The following FRMD3 variants were observed in gnomAD, a reference collection of about 807,000 sequenced individuals.
The protein encoded by FRMD3 is FERM domain containing 3.
In FRMD3, 33 loss-of-function variants were observed where a neutral mutation model predicts 70.2. That is an observed-to-expected ratio of 0.47 (90% CI 0.36 to 0.63). The LOEUF (loss-of-function observed/expected upper bound fraction) is 0.63, where lower values mean the gene tolerates loss of function less well. Among genes scored for constraint, FRMD3 ranks in the 20% least tolerant of loss-of-function variants. The pLI is 0.00. For synonymous variants in FRMD3, 279 were observed against 255.9 expected (o/e 1.09, Z -0.86); for missense variants, 632 against 711.4 (o/e 0.89, Z 1.27).
At chr9:83,419,155 G>T (rs923258859) in intron 1 of FRMD3, among the ~76,000 whole-genome samples, 1 of 151,992 alleles carries the variant, frequency 6.6e-6, no homozygotes, top group Non-Finnish European at 1.5e-5. Context: ...TAGGAGGGGG[G>T]CCAGGGGTTA....
chr9:83,376,189 A>AAC (rs1825141703), intron 2 of FRMD3, among the ~76,000 whole-genome samples: 1 of 148,710 alleles, frequency 6.7e-6, no homozygotes, highest in African/African-American at 2.5e-5. Flanking sequence ...AAAAAAAAAA[A>AAC]CCACCTGACA....
At chr9:83,268,835 C>T (rs1044511112) in intron 13 of FRMD3, among the ~76,000 whole-genome samples, 2 of 152,178 alleles carry the variant, frequency 1.3e-5, no homozygotes, top group Non-Finnish European at 2.9e-5. Context: ...CCTACTCTCA[C>T]AGGAGTTAGT....
chr9:83,363,006 A>C (rs1466321207), intron 3 of FRMD3, among the ~76,000 whole-genome samples: 23 of 123,026 alleles, frequency 1.9e-4, no homozygotes, highest in South Asian at 5.0e-4. Flanking sequence ...TTCCTTCTCT[A>C]CTTCCTTCCC....
intron 13 of FRMD3, among the ~76,000 whole-genome samples, chr9:83,260,005 C>G (rs773154592): frequency 6.6e-6 from 1 of 152,140 alleles, no homozygotes. Context: ...AGCTAAGCCA[C>G]GGCTATCTGA....
At chr9:83,571,272 A>G in the FRMD3 span, among the ~76,000 whole-genome samples, 4,063 of 152,308 alleles carry the variant, frequency 0.027, 178 homozygotes, top group African/African-American at 0.092. Context: ...CACCATGAGT[A>G]GAAGCAACAA....
chr9:83,292,584 A>G (rs915580566), intron 12 of FRMD3, among the ~76,000 whole-genome samples: 1 of 152,200 alleles, frequency 6.6e-6, no homozygotes, highest in Non-Finnish European at 1.5e-5. Flanking sequence ...TTAAAATTCT[A>G]GTTCATTTTA....
chr9:83,244,803 G>GTGTT lies in FRMD3; in HGVS notation c.*3111_*3114dup, dbSNP rs1832011062. 18 of 985,114 alleles carry GTGTT rather than the reference G, an allele frequency of 1.8e-5. No homozygotes were observed. Among genetic ancestry groups the GTGTT allele is most frequent in the Non-Finnish European group, 2.0e-5 (17 of 829,778 alleles). 61.0% of individuals were successfully genotyped at this position (985,114 alleles called of 1,614,324 possible). On this transcript the variant is annotated 3_prime_UTR_variant, in exon 14 of 14. Transcript: ENST00000304195. ...ACTCATTGTGAATTCACCCCGAGTT[G>GTGTT]TGTTTATAAATATTAGACAAACCAC...
chr9:83,370,818 A>C (rs542491505), intron 3 of FRMD3, among the ~76,000 whole-genome samples: 16 of 152,328 alleles, frequency 1.1e-4, no homozygotes, highest in African/African-American at 3.8e-4. Context: ...AGGCTGAGGC[A>C]CAAGAATCAC....
chr9:83,358,193 C>T (rs1049864669), intron 3 of FRMD3, among the ~76,000 whole-genome samples: 1 of 152,188 alleles, frequency 6.6e-6, no homozygotes, highest in Non-Finnish European at 1.5e-5. Flanking sequence ...AACAGGGTGT[C>T]CTTTCCCCAC....
intron 6 of FRMD3, among the ~76,000 whole-genome samples, chr9:83,331,695 T>G (rs1351151181): frequency 6.6e-6 from 1 of 152,176 alleles, no homozygotes; most frequent in Non-Finnish European, 1.5e-5. Context: ...GAAAGGGGTA[T>G]AGAGGAAATC....
chr9:83,468,935 C>G (rs1354381844), intron 1 of FRMD3, among the ~76,000 whole-genome samples: 1 of 152,150 alleles, frequency 6.6e-6, no homozygotes, highest in Non-Finnish European at 1.5e-5. Context: ...TCCAGCTCCA[C>G]CTTGAAACCC....
chr9:83,484,175 G>T (rs576992239), intron 1 of FRMD3, among the ~76,000 whole-genome samples: 1 of 152,268 alleles, frequency 6.6e-6, no homozygotes, highest in Non-Finnish European at 1.5e-5. Context: ...AGTTTATTCA[G>T]ATCAAGTGTT....
At chr9:83,347,282 C>A (rs1463203105) in intron 4 of FRMD3, among the ~76,000 whole-genome samples, 1 of 150,316 alleles carries the variant, frequency 6.7e-6, no homozygotes, top group African/African-American at 2.4e-5. Flanking sequence ...AATGGTTTCA[C>A]ATTAAGGATG....
At chr9:83,551,511 C>G in the FRMD3 span, among the ~76,000 whole-genome samples, 9 of 152,044 alleles carry the variant, frequency 5.9e-5, no homozygotes, top group Non-Finnish European at 1.0e-4. Flanking sequence ...GGGAGAAGTC[C>G]CTCCTCCTCA....
At chr9:83,431,301 G>A (rs1826969210) in intron 1 of FRMD3, among the ~76,000 whole-genome samples, 1 of 152,204 alleles carries the variant, frequency 6.6e-6, no homozygotes, top group Non-Finnish European at 1.5e-5. Flanking sequence ...AGCACCACAT[G>A]TGCTTCCAAA....
intron 8 of FRMD3, 62 bp downstream of exon 8, chr9:83,311,825 G>T: frequency 1.7e-6 from 2 of 1,157,358 alleles, no homozygotes; most frequent in South Asian, 1.3e-5. Flanking sequence ...AGAAGCCAAG[G>T]AGGGGACGGA....
At chr9:83,382,520 G>A (rs1825388915) in intron 2 of FRMD3, among the ~76,000 whole-genome samples, 1 of 152,298 alleles carries the variant, frequency 6.6e-6, no homozygotes, top group East Asian at 1.9e-4. Context: ...GCTCAAAGTG[G>A]TACAACCAGC....
chr9:83,432,693 G>A (rs1564074826), intron 1 of FRMD3, among the ~76,000 whole-genome samples: 1 of 152,160 alleles, frequency 6.6e-6, no homozygotes, highest in Non-Finnish European at 1.5e-5. Flanking sequence ...AGGAATATAA[G>A]TTTAATATGA....
intron 13 of FRMD3, among the ~76,000 whole-genome samples, chr9:83,256,726 G>A (rs1382799516): frequency 6.6e-6 from 1 of 151,730 alleles, no homozygotes; most frequent in African/African-American, 2.4e-5. Context: ...CTTCTCAAAA[G>A]AAGACATGCA....
Sources: allele counts gnomAD v4.1 joint callset (sites outside exome capture counted in the v4.1 genomes callset), GRCh38; gene constraint gnomAD v4.1.1; transcripts MANE v1.5; gene names NCBI Gene and HGNC (gene_info 2026-07-23, HGNC 2026-07-21).